PCDH9: variants seen among roughly 807,000 people sequenced by gnomAD.
The protein encoded by PCDH9 is protocadherin-9.
A neutral mutation model predicts 70.6 loss-of-function variants in PCDH9; 24 were observed. The ratio of observed to expected loss-of-function variants is 0.34; its 90% confidence interval spans 0.25 to 0.48. The LOEUF (loss-of-function observed/expected upper bound fraction) is 0.48, where lower values mean the gene tolerates loss of function less well. Among genes scored for constraint, PCDH9 ranks in the 20% least tolerant of loss-of-function variants. The pLI, the probability that PCDH9 is intolerant of heterozygous loss-of-function variation, is 0.99. For missense variants in PCDH9, 1,281 were observed against 1,503.6 expected (o/e 0.85, Z 2.45); for synonymous variants, 562 against 558.5 (o/e 1.01, Z -0.09).
intron 4 of PCDH9, among the ~76,000 whole-genome samples, chr13:66,629,848 G>A (rs115437214): frequency 1.8e-3 from 281 of 152,240 alleles, no homozygotes; most frequent in African/African-American, 6.4e-3. Context: ...ATTGGAAGGA[G>A]GCATACCTTA....
chr13:66,623,517 C>T (rs1226505706), intron 4 of PCDH9, among the ~76,000 whole-genome samples: 2 of 152,134 alleles, frequency 1.3e-5, no homozygotes, highest in African/African-American at 4.8e-5. Context: ...TAGCTTACTG[C>T]AAGCTCAAAC....
chr13:66,866,481 TAAAAACAAAAACAA>T (rs1157666571), intron 3 of PCDH9, among the ~76,000 whole-genome samples: 3 of 132,404 alleles, frequency 2.3e-5, no homozygotes, highest in Non-Finnish European at 4.8e-5. Context: ...GACTCAAAAA[TAAAAACAAAAACAA>T]AAAAACAAAA....
At chr13:66,665,144 T>C (rs1404625380) in intron 3 of PCDH9, among the ~76,000 whole-genome samples, 1 of 151,296 alleles carries the variant, frequency 6.6e-6, no homozygotes, top group African/African-American at 2.4e-5. Context: ...TTTGCTCTTG[T>C]CGCCCAGGCT....
At chr13:67,190,360 T>G (rs2088877152) in intron 2 of PCDH9, among the ~76,000 whole-genome samples, 1 of 152,034 alleles carries the variant, frequency 6.6e-6, no homozygotes, top group Middle Eastern at 3.2e-3. Flanking sequence ...AATGTATGAA[T>G]CATTGTAGGG....
At chr13:66,544,983 G>A (rs1243809047) in intron 4 of PCDH9, among the ~76,000 whole-genome samples, 1 of 152,062 alleles carries the variant, frequency 6.6e-6, no homozygotes, top group African/African-American at 2.4e-5. Flanking sequence ...TTTTTATTCA[G>A]GCTGATCTAA....
At chr13:66,872,517 T>C (rs1436510730) in intron 3 of PCDH9, among the ~76,000 whole-genome samples, 4 of 152,110 alleles carry the variant, frequency 2.6e-5, no homozygotes, top group South Asian at 2.1e-4. Context: ...AAAAGGAGCA[T>C]AGTAAGTTAA....
intron 3 of PCDH9, among the ~76,000 whole-genome samples, chr13:66,758,276 T>C (rs1371714656): frequency 1.3e-5 from 2 of 152,054 alleles, no homozygotes; most frequent in Non-Finnish European, 2.9e-5. Context: ...TGCTGTGCAA[T>C]AGATCTCTTA....
intron 3 of PCDH9, among the ~76,000 whole-genome samples, chr13:66,821,621 G>A (rs2080713504): frequency 6.6e-6 from 1 of 152,078 alleles, no homozygotes; most frequent in African/African-American, 2.4e-5. Flanking sequence ...AAATGATGCA[G>A]GAACTTTTTT....
intron 3 of PCDH9, among the ~76,000 whole-genome samples, chr13:66,753,793 T>G (rs2079496501): frequency 6.6e-6 from 1 of 152,206 alleles, no homozygotes; most frequent in African/African-American, 2.4e-5. Context: ...CTTTAAGTAC[T>G]AGGTATAAGA....
At chr13:66,857,628 G>C (rs1337844774) in intron 3 of PCDH9, among the ~76,000 whole-genome samples, 2 of 152,030 alleles carry the variant, frequency 1.3e-5, no homozygotes, top group East Asian at 1.9e-4. Context: ...TTCATCAGAA[G>C]TTTAAACAAA....
intron 3 of PCDH9, among the ~76,000 whole-genome samples, chr13:66,800,145 T>C (rs1311266481): frequency 6.6e-6 from 1 of 152,190 alleles, no homozygotes; most frequent in East Asian, 1.9e-4. Flanking sequence ...AAGGTTACAC[T>C]ATTTCCCAGA....
intron 4 of PCDH9, among the ~76,000 whole-genome samples, chr13:66,462,831 A>G (rs183954976): frequency 6.6e-6 from 1 of 151,898 alleles, no homozygotes; most frequent in East Asian, 1.9e-4. Context: ...CTGAGGGAGA[A>G]AGTCACTCCT....
chr13:66,979,171 A>G lies in PCDH9; in HGVS notation c.3037-75566T>C, dbSNP rs79432829. 8.1e-3 allele frequency among the ~76,000 whole-genome samples: 1,228 copies of G among 152,236 alleles called. 24 individuals are homozygous for G. Among genetic ancestry groups the G allele is most frequent in the African/African-American group, 0.028 (1,180 of 41,578 alleles). ...GTGAAATCCAAGACAAAAATGAAAC[A>G]AAAACCTTGGAGTTTTCACTTCTTT... On this transcript the variant is annotated intron_variant, in intron 2 of 4. Transcript: ENST00000377865.
At chr13:66,968,838 C>T (rs911748751) in intron 2 of PCDH9, among the ~76,000 whole-genome samples, 3 of 151,862 alleles carry the variant, frequency 2.0e-5, no homozygotes, top group African/African-American at 7.2e-5. Flanking sequence ...TTATAACAAC[C>T]ATTTAGTGTG....
At chr13:66,542,746 G>A (rs1961019266) in intron 4 of PCDH9, among the ~76,000 whole-genome samples, 3 of 140,706 alleles carry the variant, frequency 2.1e-5, no homozygotes, top group East Asian at 2.3e-4. Flanking sequence ...ATATATCTCC[G>A]AGATATTTAT....
At chr13:67,217,908 A>T (rs769364646) in intron 2 of PCDH9, 2 of 152,092 alleles carry the variant, frequency 1.3e-5, no homozygotes, top group Non-Finnish European at 2.9e-5. Flanking sequence ...AGAATCATCC[A>T]ACAGCAAATC....
intron 4 of PCDH9, among the ~76,000 whole-genome samples, chr13:66,363,508 T>C (rs1216207735): frequency 6.6e-6 from 1 of 152,168 alleles, no homozygotes; most frequent in Non-Finnish European, 1.5e-5. Flanking sequence ...AGAAGTTCAA[T>C]ATTTAAATAA....
intron 4 of PCDH9, among the ~76,000 whole-genome samples, chr13:66,517,426 T>C (rs1205827449): frequency 6.6e-6 from 1 of 152,114 alleles, no homozygotes; most frequent in Non-Finnish European, 1.5e-5. Flanking sequence ...TTGAGGAATT[T>C]TGATAGTAAT....
chr13:66,421,958 A>G (rs1218654501), intron 4 of PCDH9, among the ~76,000 whole-genome samples: 1 of 152,226 alleles, frequency 6.6e-6, no homozygotes, highest in African/African-American at 2.4e-5. Context: ...AAAGGCATGG[A>G]GGAAGATTTA....
Sources: allele counts gnomAD v4.1 joint callset (sites outside exome capture counted in the v4.1 genomes callset), GRCh38; gene constraint gnomAD v4.1.1; transcripts MANE v1.5; gene names NCBI Gene and HGNC (gene_info 2026-07-23, HGNC 2026-07-21).